The following IL7 variants were observed in gnomAD, a reference collection of about 807,000 sequenced individuals.
IL7 encodes the protein interleukin-7.
IL7 carries 3 observed loss-of-function variants against 21.6 expected under a neutral mutation model. The ratio of observed to expected loss-of-function variants is 0.14; its 90% confidence interval spans 0.06 to 0.36. The LOEUF is 0.36. Ranked by LOEUF, IL7 falls within the 10% of genes least tolerant of loss-of-function variation. The pLI, the probability that IL7 is intolerant of heterozygous loss-of-function variation, is 1.00. For missense variants in IL7, 175 were observed against 200.2 expected (o/e 0.87, Z 0.76); for synonymous variants, 62 against 68.1 (o/e 0.91, Z 0.44).
At chr8:78,704,038 A>G (rs945661648) in intron 3 of IL7, among the ~76,000 whole-genome samples, 27 of 152,070 alleles carry the variant, frequency 1.8e-4, no homozygotes, top group African/African-American at 6.0e-4. Flanking sequence ...TCCTTCACTT[A>G]TGAAGCTTAG....
rs574665572 is a variant in IL7, at chr8:78,743,876, G to A, written c.148-3794C>T. On this transcript the variant is annotated intron_variant, in intron 2 of 5. Transcript: ENST00000263851. ...TGCTGGGGGTCTACTCCAGTCCCTA[G>A]TTGCCTTGGATTTTCCGGTAGCTGA... 3.9e-5 allele frequency among the ~76,000 whole-genome samples: 6 copies of A among 152,144 alleles called. No homozygotes were observed. In the East Asian group the frequency reaches 1.2e-3, roughly 29 times the overall value.
downstream of IL7, among the ~76,000 whole-genome samples, chr8:78,713,490 T>G (rs1168130666): frequency 2.0e-5 from 3 of 152,130 alleles, no homozygotes; most frequent in Non-Finnish European, 4.4e-5. Context: ...TTCTTCCTAT[T>G]TAAAGTCCAT....
chr8:78,800,865 T>A (rs1814032416), intron 1 of IL7, among the ~76,000 whole-genome samples: 1 of 152,232 alleles, frequency 6.6e-6, no homozygotes, highest in African/African-American at 2.4e-5. Context: ...AGGGATACTT[T>A]TACCATTATC....
intron 3 of IL7, among the ~76,000 whole-genome samples, chr8:78,695,969 A>C: frequency 6.6e-6 from 1 of 152,134 alleles, no homozygotes. Flanking sequence ...GTGCATCTTA[A>C]ATTTTATATT....
intron 2 of IL7, among the ~76,000 whole-genome samples, chr8:78,795,351 T>G (rs1369933089): frequency 6.6e-6 from 1 of 152,104 alleles, no homozygotes; most frequent in Non-Finnish European, 1.5e-5. Context: ...ATTTATCACC[T>G]TCTATGTATA....
At chr8:78,688,404 G>C (rs10113703) in intron 3 of IL7, among the ~76,000 whole-genome samples, 112,905 of 151,976 alleles carry the variant, frequency 0.74, 43,006 homozygotes, top group East Asian at 0.91. Flanking sequence ...CAGTAGTAAG[G>C]AGGACAAATT....
In IL7 at chr8:78,746,224, G is replaced by A. The variant is rs191416696; in HGVS notation, c.148-6142C>T. On this transcript the variant is annotated intron_variant, in intron 2 of 5. Transcript: ENST00000263851. ...TTGATGCTTTCAGTACAGTTTCTGTGGATCAAGAATTTGGAAGCTGCCTAA... is the reference window on the plus strand; with the variant it reads ...TTGATGCTTTCAGTACAGTTTCTGTAGATCAAGAATTTGGAAGCTGCCTAA... Among the ~76,000 whole-genome samples the A allele has an allele frequency of 2.0e-3, 297 of 152,264 alleles. 3 individuals carry two copies. Among genetic ancestry groups the A allele is most frequent in the Admixed American group, 0.015 (237 of 15,298 alleles).
intron 2 of IL7, among the ~76,000 whole-genome samples, chr8:78,770,758 C>T (rs990977322): frequency 6.6e-6 from 1 of 151,968 alleles, no homozygotes; most frequent in Admixed American, 6.6e-5. Flanking sequence ...TAGACAGATA[C>T]ACAAATTATT....
intron 3 of IL7, among the ~76,000 whole-genome samples, chr8:78,722,402 A>T (rs1811257254): frequency 1.4e-5 from 2 of 146,742 alleles, no homozygotes; most frequent in East Asian, 3.9e-4. Flanking sequence ...TAATTTTAAA[A>T]TTTTTATTTT....
intron 4 of IL7, among the ~76,000 whole-genome samples, chr8:78,682,506 G>A (rs144487353): frequency 6.0e-4 from 91 of 152,174 alleles, no homozygotes; most frequent in Middle Eastern, 3.4e-3. Context: ...ATCAGATCTC[G>A]CAAGACTTAT....
chr8:78,755,472 T>C (rs963565132), intron 2 of IL7, among the ~76,000 whole-genome samples: 1 of 152,124 alleles, frequency 6.6e-6, no homozygotes, highest in African/African-American at 2.4e-5. Context: ...ATTATATCTT[T>C]ACAGTTGTTT....
chr8:78,693,359 G>A (rs1810281372), intron 3 of IL7, among the ~76,000 whole-genome samples: 1 of 151,998 alleles, frequency 6.6e-6, no homozygotes, highest in Non-Finnish European at 1.5e-5. Flanking sequence ...CAGTGTAAAA[G>A]TGTTCCTATT....
At chr8:78,737,904 A>G (rs949105474) in intron 4 of IL7, among the ~76,000 whole-genome samples, 1 of 152,126 alleles carries the variant, frequency 6.6e-6, no homozygotes, top group Admixed American at 6.6e-5. Flanking sequence ...CAAATCCCAC[A>G]ATGTAGATAT....
intron 3 of IL7, among the ~76,000 whole-genome samples, chr8:78,721,974 A>G (rs1289646355): frequency 1.3e-5 from 2 of 151,924 alleles, no homozygotes; most frequent in African/African-American, 4.8e-5. Context: ...TATTGCTAAG[A>G]TAAAAATTTT....
intron 2 of IL7, among the ~76,000 whole-genome samples, chr8:78,766,598 A>T (rs769088791): frequency 3.3e-5 from 5 of 152,128 alleles, no homozygotes; most frequent in Non-Finnish European, 7.4e-5. Flanking sequence ...TGATTTTTGT[A>T]TCATTCTCAC....
At chr8:78,781,449 A>G (rs1416437676) in intron 2 of IL7, among the ~76,000 whole-genome samples, 1 of 152,174 alleles carries the variant, frequency 6.6e-6, no homozygotes, top group Admixed American at 6.5e-5. Flanking sequence ...CTGTCTGGAA[A>G]GGATTTTATT....
At chr8:78,758,368 T>C (rs1430803127) in intron 2 of IL7, among the ~76,000 whole-genome samples, 1 of 152,126 alleles carries the variant, frequency 6.6e-6, no homozygotes, top group Non-Finnish European at 1.5e-5. Context: ...ATATTTATCT[T>C]TACAGTTTGG....
chr8:78,769,958 G>A (rs894100068), intron 2 of IL7, among the ~76,000 whole-genome samples: 2 of 152,016 alleles, frequency 1.3e-5, no homozygotes. Flanking sequence ...TTAATAAATG[G>A]TGCTGGGAAA....
chr8:78,692,440 AATATGG>A (rs889703515), intron 3 of IL7, among the ~76,000 whole-genome samples: 2 of 152,204 alleles, frequency 1.3e-5, no homozygotes, highest in African/African-American at 4.8e-5. Context: ...ATTTTTGCTA[AATATGG>A]ATCATGTTTT....
Sources: allele counts gnomAD v4.1 joint callset (sites outside exome capture counted in the v4.1 genomes callset), GRCh38; gene constraint gnomAD v4.1.1; transcripts MANE v1.5; gene names NCBI Gene and HGNC (gene_info 2026-07-23, HGNC 2026-07-21).